The following HOMER2 variants were observed in gnomAD, a reference collection of about 807,000 sequenced individuals.
The protein encoded by HOMER2 is homer protein homolog 2.
A neutral mutation model predicts 47.0 loss-of-function variants in HOMER2; 27 were observed. That is an observed-to-expected ratio of 0.57 (90% confidence interval 0.42 to 0.79). The LOEUF (loss-of-function observed/expected upper bound fraction) is 0.79. Among genes scored for constraint, HOMER2 ranks in the 30% least tolerant of loss-of-function variants. The pLI, the probability that HOMER2 is intolerant of heterozygous loss-of-function variation, is 0.00. For missense variants in HOMER2, 443 were observed against 435.0 expected, an observed-to-expected ratio of 1.02 and a Z score of -0.16; for synonymous variants, 161 against 163.8, an observed-to-expected ratio of 0.98 and a Z score of 0.13.
At chr15:82,956,556 G>C (rs2054589560), upstream of HOMER2, among the ~76,000 whole-genome samples, 1 of 152,168 alleles carries the variant, frequency 6.6e-6, no homozygotes, top group African/African-American at 2.4e-5. Flanking sequence ...GGGAGAAGAG[G>C]GGATAAGAAG....
chr15:82,893,590 C>A (rs1170375844), intron 1 of HOMER2, among the ~76,000 whole-genome samples: 1 of 149,570 alleles, frequency 6.7e-6, no homozygotes, highest in East Asian at 2.0e-4. Context: ...CTCGGGCTCC[C>A]AAAGTGCTAG....
At chr15:82,835,618 C>G (rs535604949), downstream of HOMER2, 9 of 152,594 alleles carry the variant, frequency 5.9e-5, no homozygotes, top group East Asian at 1.5e-3. Flanking sequence ...GCAAATCCAA[C>G]TCCTGTGTAT....
chr15:82,923,719 C>G (rs2053788822), intron 1 of HOMER2, among the ~76,000 whole-genome samples: 1 of 152,206 alleles, frequency 6.6e-6, no homozygotes, highest in Non-Finnish European at 1.5e-5. Flanking sequence ...CATACCCACC[C>G]ACACTCACGC....
chr15:82,854,547 G>A (rs1322827899), intron 6 of HOMER2, 97 bp downstream of exon 6: 33 of 1,340,088 alleles, frequency 2.5e-5, no homozygotes, highest in Middle Eastern at 2.3e-4. Flanking sequence ...TGGGGATAAG[G>A]GCAAAGTTGG....
At chr15:82,862,568 ACTTTC>A (rs2051829235) in intron 4 of HOMER2, among the ~76,000 whole-genome samples, 1 of 152,178 alleles carries the variant, frequency 6.6e-6, no homozygotes, top group Non-Finnish European at 1.5e-5. Context: ...TATATTAGAA[ACTTTC>A]TAGACCATGG....
chr15:82,923,718 C>T (rs898524358), intron 1 of HOMER2, among the ~76,000 whole-genome samples: 2 of 152,166 alleles, frequency 1.3e-5, no homozygotes, highest in Non-Finnish European at 2.9e-5. Flanking sequence ...ACATACCCAC[C>T]CACACTCACG....
rs1172774565 is a variant in HOMER2, at chr15:82,952,715, A to C, written c.-180T>G. On this transcript the variant is annotated 5_prime_UTR_variant, in exon 1 of 9. Transcript: ENST00000450735. The stretch of plus-strand genomic sequence containing the variant: ...TGCTGCCACTGCCGCCACCGCCGCC[A>C]GGCGCGGGCGGGCGGGGGCTGGGCG... 1.0e-6 allele frequency: 1 copy of C among 981,746 alleles called. No individual in the cohort carries two copies. Among genetic ancestry groups the C allele is most frequent in the Non-Finnish European group, 1.2e-6 (1 of 828,856 alleles). The allele number at this position is 981,746 out of a possible 1,614,324, so 60.8% of individuals were successfully genotyped here.
chr15:82,983,570 C>A lies in HOMER2; in HGVS notation n.82+2217G>T, dbSNP rs151251138. Reference sequence around the variant, plus strand: ...ATTTCCCAGGCTTAAAGAATTGGAGCCTTTCCTGATTTCTTTCTTTTCTTT... The same window carrying A: ...ATTTCCCAGGCTTAAAGAATTGGAGACTTTCCTGATTTCTTTCTTTTCTTT... On this transcript the variant is annotated intron_variant and non_coding_transcript_variant, in intron 1 of 1. Coordinates refer to the HOMER2 transcript ENST00000500334. Among the ~76,000 whole-genome samples the A allele has an allele frequency of 3.3e-5, 5 of 151,826 alleles. No homozygotes were observed. In the Middle Eastern group the frequency reaches 0.014, roughly 419 times the overall value.
At chr15:82,972,664 G>A (rs144562807) in intron 1 of HOMER2, among the ~76,000 whole-genome samples, 4 of 152,010 alleles carry the variant, frequency 2.6e-5, no homozygotes, top group African/African-American at 9.7e-5. Context: ...CCTAGGCAAC[G>A]AGAGCAAAAC....
rs367780664 is a variant in HOMER2, at chr15:82,899,971, G to A, written c.6-7130C>T. Among the ~76,000 whole-genome samples, 7 of 152,216 alleles carry A rather than the reference G, an allele frequency of 4.6e-5. No homozygotes were observed. The Middle Eastern group carries it at 0.014, about 296-fold the overall frequency. ...AGGGAGGCGGCGGTTGCAGGGAGCC[G>A]AGATTATGCAACCGCACTTCAGCCT... On this transcript the variant is annotated intron_variant, in intron 1 of 8. Transcript: ENST00000450735.
At position 82,852,169 on chromosome 15, in the gene HOMER2, C is replaced by T; in HGVS notation, c.735G>A (p.Leu245=). 2 of 1,613,538 alleles carry T rather than the reference C, an allele frequency of 1.2e-6. No individual in the cohort carries two copies. The highest frequency in any genetic ancestry group is 1.6e-4 in the Middle Eastern group (1 of 6,084). Residue 245 remains leucine, a synonymous_variant, in exon 7 of 9, where the codon CTG becomes CTA. Coordinates refer to ENST00000450735, the MANE Select transcript of HOMER2 (RefSeq NM_004839.4). ...TCTCCTTTTCTCGGAGCTCTGCCTC[C>T]AGCTCCTCGATCCTCCTCTTCAGCT... ...NTQLKRRIEE[L]EAELREKETE...
chr15:82,911,408 G>A (rs757367683), intron 1 of HOMER2, among the ~76,000 whole-genome samples: 3 of 152,026 alleles, frequency 2.0e-5, no homozygotes, highest in South Asian at 2.1e-4. Flanking sequence ...GAAGCCAGTC[G>A]TTGTAAATGT....
At chr15:82,870,302 A>T (rs1259576121) in intron 3 of HOMER2, among the ~76,000 whole-genome samples, 1 of 152,118 alleles carries the variant, frequency 6.6e-6, no homozygotes, top group East Asian at 1.9e-4. Context: ...TTGGTGGGGT[A>T]GGGGAATGGG....
chr15:82,889,008 T>G (rs2052628164), intron 2 of HOMER2, among the ~76,000 whole-genome samples: 1 of 152,168 alleles, frequency 6.6e-6, no homozygotes, highest in Admixed American at 6.5e-5. Context: ...AGCCTCCTGC[T>G]TTGAGAGGAA....
chr15:82,889,641 C>T (rs2052645964), intron 2 of HOMER2, among the ~76,000 whole-genome samples: 1 of 152,090 alleles, frequency 6.6e-6, no homozygotes. Flanking sequence ...GAGATGAGGA[C>T]CTTAGTAATG....
chr15:82,876,918 T>C (rs1035789665), intron 2 of HOMER2, among the ~76,000 whole-genome samples: 7 of 152,140 alleles, frequency 4.6e-5, no homozygotes, highest in Non-Finnish European at 7.4e-5. Flanking sequence ...AGAAGTATCA[T>C]TGCTCTTGCT....
chr15:82,924,955 G>T (rs1457544493), intron 1 of HOMER2, among the ~76,000 whole-genome samples: 2 of 152,092 alleles, frequency 1.3e-5, no homozygotes, highest in Non-Finnish European at 2.9e-5. Flanking sequence ...CCACACCTTT[G>T]TTCTACCCAC....
chr15:82,955,118 T>C (rs1398233455), upstream of HOMER2, among the ~76,000 whole-genome samples: 1 of 151,176 alleles, frequency 6.6e-6, no homozygotes, highest in Non-Finnish European at 1.5e-5. Flanking sequence ...CATAACCTAC[T>C]AAATTGATTT....
At chr15:82,936,676 G>A (rs879298457) in intron 1 of HOMER2, among the ~76,000 whole-genome samples, 1 of 151,996 alleles carries the variant, frequency 6.6e-6, no homozygotes, top group Non-Finnish European at 1.5e-5. Flanking sequence ...AGGTTCAAGC[G>A]ATCCTCCCAC....
Sources: allele counts gnomAD v4.1 joint callset (sites outside exome capture counted in the v4.1 genomes callset), GRCh38; gene constraint gnomAD v4.1.1; transcripts MANE v1.5; gene names NCBI Gene and HGNC (gene_info 2026-07-23, HGNC 2026-07-21).